The following CDKN2B-AS1 variants were observed in gnomAD, a reference collection of about 807,000 sequenced individuals.
CDKN2B-AS1 encodes CDKN2B antisense RNA 1 (non-protein coding).
intron 4 of CDKN2B-AS1, among the ~76,000 whole-genome samples, chr9:22,059,946 A>G (rs1458266396): frequency 2.0e-5 from 3 of 152,216 alleles, no homozygotes; most frequent in African/African-American, 7.2e-5. Flanking sequence ...GCTGGGACAC[A>G]GGGCACTAAA....
In CDKN2B-AS1 at chr9:22,006,180, G is replaced by A. The variant is rs2131181537; in HGVS notation, n.29+11019G>A. The A allele has an allele frequency of 6.2e-7, 1 of 1,609,616 alleles. No individual in the cohort carries two copies. The highest frequency in any genetic ancestry group is 1.1e-5 in the South Asian group (1 of 91,020). On this transcript the variant is annotated intron_variant and non_coding_transcript_variant, in intron 1 of 4. Transcript: ENST00000650946. The surrounding 1 kb of genome is among the most constrained non-coding windows in gnomAD (Gnocchi z 6.4). ...CGGTCGGGTGAGAGTGGCAGGGTCT[G>A]CGCAGTTGGGCTCCGCGCCGTGGAG...
intron 1 of CDKN2B-AS1, among the ~76,000 whole-genome samples, chr9:22,012,897 G>T (rs1821574095): frequency 6.6e-6 from 1 of 152,072 alleles, no homozygotes; most frequent in Admixed American, 6.5e-5. Context: ...TATTTTTCAA[G>T]ATTAATTAAA....
At chr9:22,019,374 A>G (rs1177391827) in intron 1 of CDKN2B-AS1, among the ~76,000 whole-genome samples, 1 of 152,192 alleles carries the variant, frequency 6.6e-6, no homozygotes, top group Non-Finnish European at 1.5e-5. Flanking sequence ...AGCTTGGACT[A>G]AAGTGCCTGA....
At position 22,001,491 on chromosome 9, in the gene CDKN2B-AS1, A is replaced by C. The variant is rs937079133; in HGVS notation, n.29+6330A>C. 6.6e-6 allele frequency among the ~76,000 whole-genome samples: 1 copy of C among 152,132 alleles called. No individual in the cohort carries two copies. The highest frequency in any genetic ancestry group is 1.5e-5 in the Non-Finnish European group (1 of 67,970). On this transcript the variant is annotated intron_variant and non_coding_transcript_variant, in intron 1 of 4. Transcript: ENST00000650946. This position sits in a 1 kb window ranked among gnomAD's most constrained non-coding sequence, Gnocchi z 4.2. ...TGTTTTACATTTAGTTCACACCACAAATTAGTAAGTCAGGCTTGGTGCTTT... is the reference window on the plus strand; with the variant it reads ...TGTTTTACATTTAGTTCACACCACACATTAGTAAGTCAGGCTTGGTGCTTT...
At chr9:22,072,417 G>C (rs1214433773) in intron 4 of CDKN2B-AS1, among the ~76,000 whole-genome samples, 1 of 152,172 alleles carries the variant, frequency 6.6e-6, no homozygotes, top group African/African-American at 2.4e-5. Context: ...CTCATTTGAA[G>C]AGTCCAGGGG....
intron 4 of CDKN2B-AS1, among the ~76,000 whole-genome samples, chr9:22,088,746 A>G (rs1000434589): frequency 2.6e-5 from 4 of 152,230 alleles, no homozygotes; most frequent in Non-Finnish European, 4.4e-5. Context: ...AAATGAGATC[A>G]GGCTCTATAA....
chr9:22,087,800 C>T (rs1824914574), intron 4 of CDKN2B-AS1, among the ~76,000 whole-genome samples: 3 of 152,092 alleles, frequency 2.0e-5, no homozygotes, highest in Admixed American at 2.0e-4. Flanking sequence ...TGAAGAGAAA[C>T]TTTTTCACTA....
intron 1 of CDKN2B-AS1, among the ~76,000 whole-genome samples, chr9:22,031,722 A>G (rs534518734): frequency 6.6e-6 from 1 of 152,336 alleles, no homozygotes; most frequent in East Asian, 1.9e-4. Flanking sequence ...TCAGCCTTCT[A>G]CTATTCACAG....
At chr9:22,082,832 C>T (rs1824742641) in intron 4 of CDKN2B-AS1, among the ~76,000 whole-genome samples, 1 of 152,070 alleles carries the variant, frequency 6.6e-6, no homozygotes, top group African/African-American at 2.4e-5. Flanking sequence ...AGACTATTTC[C>T]ATTTGACTAA....
intron 4 of CDKN2B-AS1, among the ~76,000 whole-genome samples, chr9:22,125,240 T>G (rs1817997925): frequency 6.6e-6 from 1 of 152,216 alleles, no homozygotes; most frequent in South Asian, 2.1e-4. Flanking sequence ...AAAAAAAGAA[T>G]GGGCTGCTGA....
At chr9:22,020,637 T>A (rs538679664) in intron 1 of CDKN2B-AS1, among the ~76,000 whole-genome samples, 142 of 152,362 alleles carry the variant, frequency 9.3e-4, no homozygotes, top group African/African-American at 3.3e-3. Flanking sequence ...TCAGTGATGT[T>A]GAGCTTTTCT....
At chr9:22,029,404 C>A in intron 1 of CDKN2B-AS1, 2 of 779,054 alleles carry the variant, frequency 2.6e-6, no homozygotes, top group South Asian at 1.3e-5. Flanking sequence ...ACTTGTCTGA[C>A]AAATCCAGAT....
intron 1 of CDKN2B-AS1, among the ~76,000 whole-genome samples, chr9:22,034,867 A>C (rs186661614): frequency 6.6e-6 from 1 of 152,192 alleles, no homozygotes; most frequent in Non-Finnish European, 1.5e-5. Context: ...CTGATTTGAC[A>C]TAAGGGTCAT....
chr9:22,108,955 C>T (rs1187808670), intron 4 of CDKN2B-AS1, among the ~76,000 whole-genome samples: 2 of 152,136 alleles, frequency 1.3e-5, no homozygotes, highest in East Asian at 1.9e-4. Context: ...TAAAAAAAAC[C>T]CCAAAACTGA....
At chr9:22,090,649 T>C (rs930007458) in intron 4 of CDKN2B-AS1, among the ~76,000 whole-genome samples, 2 of 152,232 alleles carry the variant, frequency 1.3e-5, no homozygotes, top group African/African-American at 4.8e-5. Flanking sequence ...TCTGTTCATA[T>C]CCTTCACCCA....
chr9:22,028,465 CA>C (rs1393286192), intron 1 of CDKN2B-AS1, among the ~76,000 whole-genome samples: 2 of 151,998 alleles, frequency 1.3e-5, no homozygotes, highest in Non-Finnish European at 2.9e-5. Context: ...TTAAACAAGA[CA>C]TAGTTAAAAT....
intron 4 of CDKN2B-AS1, among the ~76,000 whole-genome samples, chr9:22,108,838 T>C (rs540787189): frequency 6.6e-6 from 1 of 152,240 alleles, no homozygotes; most frequent in East Asian, 1.9e-4. Flanking sequence ...GATTAGAATA[T>C]AAAGGTTAAG....
chr9:22,015,505 C>G (rs936628505), intron 1 of CDKN2B-AS1, among the ~76,000 whole-genome samples: 2 of 151,946 alleles, frequency 1.3e-5, no homozygotes, highest in East Asian at 3.8e-4. Context: ...GCCAAATAAT[C>G]TTGTTTGAAT....
intron 4 of CDKN2B-AS1, among the ~76,000 whole-genome samples, chr9:22,110,240 A>G (rs1825770349): frequency 6.6e-6 from 1 of 152,160 alleles, no homozygotes; most frequent in South Asian, 2.1e-4. Flanking sequence ...TCAGCAACTA[A>G]ACATCTCATA....
Sources: gnomAD v4.1 joint callset for allele counts (sites outside exome capture counted in the v4.1 genomes callset) on GRCh38, gnomAD v4.1.1 for gene constraint, Gnocchi (gnomAD v3.1) non-coding constraint, MANE v1.5 for transcripts, NCBI Gene and HGNC (gene_info 2026-07-23, HGNC 2026-07-21) for gene names.